The following ZFPM2 variants were observed in gnomAD, a reference collection of about 807,000 sequenced individuals.
ZFPM2 encodes the protein zinc finger protein, FOG family member 2.
In ZFPM2, 20 loss-of-function variants were observed where a neutral mutation model predicts 98.6. The ratio of observed to expected loss-of-function variants is 0.20; its 90% CI spans 0.14 to 0.29. The LOEUF (loss-of-function observed/expected upper bound fraction) is 0.29, where lower values mean the gene tolerates loss of function less well. Among genes scored for constraint, ZFPM2 ranks in the 10% least tolerant of loss-of-function variants. The probability of loss-of-function intolerance (pLI) is 1.00; values close to 1 mark genes in which losing one functional copy is unlikely to be tolerated. For synonymous variants in ZFPM2, 518 were observed against 502.7 expected (o/e 1.03, Z -0.41); for missense variants, 1,310 against 1,388.6 (o/e 0.94, Z 0.90).
At chr8:105,707,578 G>T (rs1382002718) in intron 5 of ZFPM2, among the ~76,000 whole-genome samples, 1 of 152,130 alleles carries the variant, frequency 6.6e-6, no homozygotes, top group African/African-American at 2.4e-5. Context: ...ATCCAATTCA[G>T]TGTATGGCCT....
At chr8:105,590,762 G>GCGCA (rs111553086) in intron 4 of ZFPM2, among the ~76,000 whole-genome samples, 5 of 149,852 alleles carry the variant, frequency 3.3e-5, no homozygotes, top group Non-Finnish European at 5.9e-5. Flanking sequence ...ACGTGCGCAC[G>GCGCA]CACACACACA....
chr8:105,656,370 T>G (rs1817286142), intron 5 of ZFPM2, among the ~76,000 whole-genome samples: 1 of 152,228 alleles, frequency 6.6e-6, no homozygotes, highest in Non-Finnish European at 1.5e-5. Context: ...TTGAATCCTG[T>G]CCTATAACAC....
intron 5 of ZFPM2, among the ~76,000 whole-genome samples, chr8:105,663,710 G>C (rs1469699770): frequency 6.6e-6 from 1 of 152,188 alleles, no homozygotes; most frequent in African/African-American, 2.4e-5. Flanking sequence ...AAAGAAATCT[G>C]AGGCACAGAG....
rs756076552 is a variant in ZFPM2, at chr8:105,801,971, C to T, written c.1889C>T (p.Thr630Ile). 4.5e-5 allele frequency: 73 copies of T among 1,613,768 alleles called. No homozygotes were observed. Among genetic ancestry groups the T allele is most frequent in the Non-Finnish European group, 5.9e-5 (70 of 1,179,886 alleles). The change falls in exon 8 of 8, where the codon ACT (threonine) becomes ATT (isoleucine). Residue 630 changes from threonine to isoleucine, a missense_variant. Coordinates refer to ENST00000407775, the MANE Select transcript of ZFPM2 (RefSeq NM_012082.4). ...CAAACATCTTGCATCAATTCTTCCA[C>T]TGTCTTAGATTTAATTGGGCCAAAT... ...LLQTSCINSS[T>I]VLDLIGPNGK...
At chr8:105,487,661 A>G (rs1351310103) in intron 3 of ZFPM2, among the ~76,000 whole-genome samples, 1 of 152,138 alleles carries the variant, frequency 6.6e-6, no homozygotes, top group Non-Finnish European at 1.5e-5. Context: ...AGGGCCAGAT[A>G]TTACCAAGCT....
intron 4 of ZFPM2, among the ~76,000 whole-genome samples, chr8:105,612,896 A>C (rs1474537803): frequency 2.0e-5 from 3 of 152,226 alleles, no homozygotes; most frequent in Non-Finnish European, 4.4e-5. Flanking sequence ...GAAAGAAAAA[A>C]TGATCATTTT....
At chr8:105,517,622 G>GGAGGATC in intron 3 of ZFPM2, among the ~76,000 whole-genome samples, 1 of 151,454 alleles carries the variant, frequency 6.6e-6, no homozygotes, top group Non-Finnish European at 1.5e-5. Flanking sequence ...GACCACGGTA[G>GGAGGATC]GAGGATCACT....
chr8:105,331,440 G>C (rs1377831811), intron 1 of ZFPM2, among the ~76,000 whole-genome samples: 1 of 151,604 alleles, frequency 6.6e-6, no homozygotes, highest in Non-Finnish European at 1.5e-5. Context: ...AGGAGGTTCC[G>C]GTATGGGATG....
chr8:105,738,753 C>T (rs1235739319), intron 5 of ZFPM2, among the ~76,000 whole-genome samples: 1 of 151,936 alleles, frequency 6.6e-6, no homozygotes, highest in Non-Finnish European at 1.5e-5. Flanking sequence ...TTTTGATTTG[C>T]ATCTCTAATG....
chr8:105,750,269 G>T (rs1004977980), intron 5 of ZFPM2, among the ~76,000 whole-genome samples: 1 of 151,920 alleles, frequency 6.6e-6, no homozygotes, highest in Non-Finnish European at 1.5e-5. Flanking sequence ...ATCTGTCTTG[G>T]TTACGTATCT....
intron 5 of ZFPM2, among the ~76,000 whole-genome samples, chr8:105,656,169 A>ACG (rs1263947663): frequency 1.3e-5 from 2 of 152,048 alleles, no homozygotes; most frequent in Non-Finnish European, 2.9e-5. Flanking sequence ...ACACACACAC[A>ACG]CATACACATA....
In ZFPM2 at chr8:105,803,521, G is replaced by GC; in HGVS notation, c.3440dup (p.Glu1148ArgfsTer7). On this transcript the variant is annotated frameshift_variant, in exon 8 of 8. Coordinates refer to ENST00000407775, the MANE Select transcript of ZFPM2 (RefSeq NM_012082.4). LOFTEE classifies it high-confidence loss of function. ...GAAGTTTTATTGCTCATCACATGCAGCAGAACATGTCAAATGAACTAACTA... is the reference window on the plus strand; with the variant it reads ...GAAGTTTTATTGCTCATCACATGCAGCCAGAACATGTCAAATGAACTAACTA... The GC allele has an allele frequency of 6.2e-7, 1 of 1,608,860 alleles. No individual in the cohort carries two copies. Among genetic ancestry groups the GC allele is most frequent in the Non-Finnish European group, 8.5e-7 (1 of 1,177,260 alleles).
intron 2 of ZFPM2, among the ~76,000 whole-genome samples, chr8:105,432,429 G>A (rs1207508190): frequency 1.3e-5 from 2 of 152,174 alleles, no homozygotes; most frequent in African/African-American, 4.8e-5. Flanking sequence ...TACTTCTCCA[G>A]CCTTAGCATT....
intron 4 of ZFPM2, among the ~76,000 whole-genome samples, chr8:105,617,880 AT>A (rs1816452777): frequency 6.6e-6 from 1 of 152,198 alleles, no homozygotes; most frequent in Admixed American, 6.5e-5. Flanking sequence ...AAAATAAAAT[AT>A]TAAAAAGTAT....
At chr8:105,525,111 G>A (rs369375714) in intron 3 of ZFPM2, among the ~76,000 whole-genome samples, 63 of 152,220 alleles carry the variant, frequency 4.1e-4, no homozygotes, top group South Asian at 1.2e-3. Flanking sequence ...ACCTGTTTGT[G>A]ACCCCTATTC....
chr8:105,697,897 TGAA>T (rs963820617), intron 5 of ZFPM2, among the ~76,000 whole-genome samples: 2 of 152,278 alleles, frequency 1.3e-5, no homozygotes, highest in Admixed American at 6.5e-5. Context: ...AAAACTGAGT[TGAA>T]GAAGGTCTTA....
At chr8:105,762,104 A>T (rs1812745587) in intron 5 of ZFPM2, among the ~76,000 whole-genome samples, 1 of 151,966 alleles carries the variant, frequency 6.6e-6, no homozygotes. Context: ...AAATAATTTA[A>T]GTTTCGGATT....
chr8:105,561,489 G>T lies in ZFPM2; in HGVS notation c.420+8G>T, dbSNP rs200418818. On this transcript the variant is annotated splice_region_variant and intron_variant, in intron 4 of 7. Coordinates refer to ENST00000407775, the MANE Select transcript of ZFPM2 (RefSeq NM_012082.4). Reference sequence around the variant, plus strand: ...TTGAATAATAATTCTTTGGTATGTGGATATTCCGAGATGGTTAATATTTTG... The same window carrying T: ...TTGAATAATAATTCTTTGGTATGTGTATATTCCGAGATGGTTAATATTTTG... 2 of 1,578,684 alleles carry T rather than the reference G, an allele frequency of 1.3e-6. No individual in the cohort carries two copies. The highest frequency in any genetic ancestry group is 1.7e-6 in the Non-Finnish European group (2 of 1,154,738).
chr8:105,720,710 C>T (rs186995882), intron 5 of ZFPM2, among the ~76,000 whole-genome samples: 3 of 151,868 alleles, frequency 2.0e-5, no homozygotes, highest in Non-Finnish European at 2.9e-5. Flanking sequence ...TTCAGGTCCC[C>T]GAGACAATCA....
Sources: gnomAD v4.1 joint callset for allele counts (sites outside exome capture counted in the v4.1 genomes callset) on GRCh38, gnomAD v4.1.1 for gene constraint, MANE v1.5 for transcripts, NCBI Gene and HGNC (gene_info 2026-07-23, HGNC 2026-07-21) for gene names.